RAC1: variants seen among roughly 807,000 people sequenced by gnomAD.
RAC1 encodes the protein Rac family small GTPase 1, also known as ras-related C3 botulinum toxin substrate 1.
A neutral mutation model predicts 25.2 loss-of-function variants in RAC1; 2 were observed. That is an observed-to-expected ratio of 0.08 (90% CI 0.03 to 0.25). RAC1 has a LOEUF of 0.25. Ranked by LOEUF, RAC1 falls within the 10% of genes least tolerant of loss-of-function variation. The probability of loss-of-function intolerance (pLI) is 1.00; values close to 1 mark genes in which losing one functional copy is unlikely to be tolerated. For synonymous variants in RAC1, 88 were observed against 94.0 expected (o/e 0.94, Z 0.37); for missense variants, 50 against 235.7 (o/e 0.21, Z 5.16).
At position 6,387,231 on chromosome 7, in the gene RAC1, C is replaced by G. The variant is rs1381712962; in HGVS notation, c.55C>G (p.Leu19Val). The G allele has an allele frequency of 6.4e-7, 1 of 1,568,898 alleles. No individual in the cohort carries two copies. The change falls in exon 2 of 6, where the codon CTA (leucine) becomes GTA (valine). Residue 19 changes from leucine to valine, a missense_variant. By Grantham distance (32) the Leu-to-Val change is conservative. Transcript: ENST00000348035. ...VGDGAVGKTC[L>V]LISYTTNAFP... ...CTTTAGAGCTGTAGGTAAAACTTGC[C>G]TACTGATCAGTTACACAACCAATGC...
At chr7:6,397,642 A>G (rs1194245296) in intron 3 of RAC1, among the ~76,000 whole-genome samples, 1 of 152,166 alleles carries the variant, frequency 6.6e-6, no homozygotes, top group Non-Finnish European at 1.5e-5. Flanking sequence ...TTTTATTGGA[A>G]CAAAGAAATG....
chr7:6,375,515 C>T (rs1221515939), intron 1 of RAC1, among the ~76,000 whole-genome samples: 4 of 152,162 alleles, frequency 2.6e-5, no homozygotes, highest in South Asian at 2.1e-4. Context: ...CCGCGCCCGG[C>T]CTCTCAACTT....
At chr7:6,385,285 AGT>A (rs1375536678) in intron 1 of RAC1, among the ~76,000 whole-genome samples, 1 of 152,202 alleles carries the variant, frequency 6.6e-6, no homozygotes, top group East Asian at 1.9e-4. Flanking sequence ...TTTAGCACCT[AGT>A]GTGCTTCTGG....
chr7:6,393,738 C>A (rs1280826626), intron 3 of RAC1, among the ~76,000 whole-genome samples: 3 of 152,148 alleles, frequency 2.0e-5, no homozygotes, highest in African/African-American at 7.2e-5. Flanking sequence ...AGGTAGTTCA[C>A]AGAAAAGTCC....
At chr7:6,384,234 A>C (rs1026549968) in intron 1 of RAC1, among the ~76,000 whole-genome samples, 1 of 152,058 alleles carries the variant, frequency 6.6e-6, no homozygotes, top group Non-Finnish European at 1.5e-5. Flanking sequence ...ACTTATGTTC[A>C]CTGTCCAGTC....
intron 3 of RAC1, 59 bp from the exon 4 acceptor site, chr7:6,400,067 A>C: frequency 6.9e-7 from 1 of 1,453,316 alleles, no homozygotes; most frequent in Non-Finnish European, 9.7e-7. Context: ...TAGAAAGCAA[A>C]GTGCATGCTT....
chr7:6,395,943 A>G (rs1783225163), intron 3 of RAC1, among the ~76,000 whole-genome samples: 1 of 152,224 alleles, frequency 6.6e-6, no homozygotes, highest in Non-Finnish European at 1.5e-5. Flanking sequence ...GTCTTACTCC[A>G]TGGAAAGTGG....
At position 6,403,159 on chromosome 7, in the gene RAC1, GAC is replaced by G. The variant is rs141377991; in HGVS notation, c.*715_*716del. On this transcript the variant is annotated 3_prime_UTR_variant, in exon 6 of 6. Transcript: ENST00000348035. ...GGGGTGTGTGTGATCAAAGGACAAA[GAC>G]AGTATTTTGACAAAATACGAAGTGG... 1.5e-4 allele frequency: 33 copies of G among 219,354 alleles called. No individual in the cohort carries two copies. Among genetic ancestry groups the G allele is most frequent in the African/African-American group, 6.7e-4 (30 of 44,600 alleles). 13.6% of individuals were successfully genotyped at this position (219,354 alleles called of 1,614,324 possible).
At position 6,402,428 on chromosome 7, in the gene RAC1, A is replaced by G. The variant is rs756713950; in HGVS notation, c.561A>G (p.Arg187=). The G allele has an allele frequency of 6.3e-7, 1 of 1,599,780 alleles. No individual in the cohort carries two copies. The highest frequency in any genetic ancestry group is 1.1e-5 in the South Asian group (1 of 90,488). The change falls in exon 6 of 6, where the codon AGA becomes AGG. Residue 187 remains arginine, a synonymous_variant. Coordinates refer to ENST00000348035, the MANE Select transcript of RAC1 (RefSeq NM_006908.5). The part of the protein sequence containing the change: ...LCPPPVKKRK[R]KCLLL Reference sequence around the variant, plus strand: ...CGCCTCCCGTGAAGAAGAGGAAGAGAAAATGCCTGCTGTTGTAAATGTCTC... The same window carrying G: ...CGCCTCCCGTGAAGAAGAGGAAGAGGAAATGCCTGCTGTTGTAAATGTCTC...
chr7:6,375,222 T>C (rs1458653721), intron 1 of RAC1, among the ~76,000 whole-genome samples: 1 of 152,136 alleles, frequency 6.6e-6, no homozygotes, highest in East Asian at 1.9e-4. Flanking sequence ...TGCTTGATTG[T>C]ACGGGCCGCT....
intron 2 of RAC1, 57 bp downstream of exon 2, chr7:6,387,340 G>C (rs2115193382): frequency 7.8e-7 from 1 of 1,274,178 alleles, no homozygotes; most frequent in Non-Finnish European, 1.1e-6. Flanking sequence ...ACATTTCTTT[G>C]ACCATTTGTT....
intron 3 of RAC1, among the ~76,000 whole-genome samples, chr7:6,393,359 G>A (rs948935080): frequency 2.6e-5 from 4 of 152,162 alleles, no homozygotes; most frequent in Non-Finnish European, 4.4e-5. Flanking sequence ...ATACTGGCTG[G>A]TAGAGTAGGA....
chr7:6,378,320 C>T lies in RAC1; in HGVS notation c.35+3550C>T, dbSNP rs369972999. ...CAGCACTTTGGGAGGCCGAGGCAGG[C>T]GGATCACCTGAGGTCAGGAGCTCGA... On this transcript the variant is annotated intron_variant, in intron 1 of 5. Coordinates refer to ENST00000348035, the MANE Select transcript of RAC1 (RefSeq NM_006908.5). Among the ~76,000 whole-genome samples the T allele has an allele frequency of 6.6e-5, 10 of 151,628 alleles. No individual in the cohort carries two copies. The South Asian group carries it at 1.7e-3, about 25-fold the overall frequency.
In RAC1 at chr7:6,392,052, C is replaced by T; in HGVS notation, c.225+11C>T. 1 of 1,614,078 alleles carries T rather than the reference C, an allele frequency of 6.2e-7. No individual in the cohort carries two copies. Among genetic ancestry groups the T allele is most frequent in the Non-Finnish European group, 8.5e-7 (1 of 1,179,978 alleles). On this transcript the variant is annotated intron_variant, in intron 3 of 5. Transcript: ENST00000348035. ...TCCTATCCGCAAACAGTAAGGATTG[C>T]AGCTGACTTTTAATGTGTCTTTTAG...
chr7:6,396,503 CGTGT>C (rs1373787210), intron 3 of RAC1, among the ~76,000 whole-genome samples: 1 of 152,092 alleles, frequency 6.6e-6, no homozygotes, highest in African/African-American at 2.4e-5. Context: ...TCGCTCCTGT[CGTGT>C]GTGTCTCTTC....
intron 5 of RAC1, 143 bp downstream of exon 5, chr7:6,402,170 G>C: frequency 6.9e-7 from 1 of 1,441,842 alleles, no homozygotes; most frequent in African/African-American, 1.4e-5. Context: ...AAGGCCCTGT[G>C]GGTCTTAACG....
intron 2 of RAC1, among the ~76,000 whole-genome samples, chr7:6,391,169 A>T (rs549036227): frequency 2.1e-4 from 32 of 151,334 alleles, no homozygotes; most frequent in African/African-American, 7.5e-4. Context: ...AAGTGCTGGG[A>T]TTACAGGCGT....
chr7:6,401,657 T>C, intron 4 of RAC1: 1 of 429,982 alleles, frequency 2.3e-6, no homozygotes, highest in Non-Finnish European at 4.2e-6. Flanking sequence ...TGTCCAGCCA[T>C]GATCCGGGAG....
At chr7:6,394,697 T>G (rs1222568850) in intron 3 of RAC1, among the ~76,000 whole-genome samples, 1 of 150,180 alleles carries the variant, frequency 6.7e-6, no homozygotes, top group Non-Finnish European at 1.5e-5. Context: ...TGTTGTTGTT[T>G]GAGACAGAGT....
Sources: gnomAD v4.1 joint callset for allele counts (sites outside exome capture counted in the v4.1 genomes callset) on GRCh38, gnomAD v4.1.1 for gene constraint, MANE v1.5 for transcripts, NCBI Gene and HGNC (gene_info 2026-07-23, HGNC 2026-07-21) for gene names.